The following MAN1C1 variants were observed in gnomAD, a reference collection of about 807,000 sequenced individuals.
MAN1C1 encodes mannosidase alpha class 1C member 1.
A neutral mutation model predicts 71.5 loss-of-function variants in MAN1C1; 49 were observed. That is an observed-to-expected ratio of 0.69 (90% CI 0.54 to 0.87). MAN1C1 has a LOEUF of 0.87. Ranked by LOEUF, MAN1C1 falls within the 40% of genes least tolerant of loss-of-function variation. The pLI is 0.00. For synonymous variants in MAN1C1, 352 were observed against 343.7 expected (o/e 1.02, Z -0.27); for missense variants, 743 against 835.0 (o/e 0.89, Z 1.36).
At chr1:25,738,975 A>G (rs1445126391) in intron 2 of MAN1C1, among the ~76,000 whole-genome samples, 2 of 152,128 alleles carry the variant, frequency 1.3e-5, no homozygotes, top group Non-Finnish European at 2.9e-5. Context: ...CAGCCTGGAC[A>G]ACATAGTGAG....
rs901528824 is a variant in MAN1C1 at position 25,711,926 on chromosome 1, T to C, written c.637+25390T>C. Among the ~76,000 whole-genome samples, 84 of 152,082 alleles carry C rather than the reference T, an allele frequency of 5.5e-4. No homozygotes were observed. The highest frequency in any genetic ancestry group is 2.0e-3 in the African/African-American group (81 of 41,498). On this transcript the variant is annotated intron_variant, in intron 2 of 11. Coordinates refer to ENST00000374332, the MANE Select transcript of MAN1C1 (RefSeq NM_020379.4). This position sits in a 1 kb window ranked among gnomAD's most constrained non-coding sequence, Gnocchi z 4.3. ...TGTAAACAGCTTTCAGGAATGTTTG[T>C]TTAAATGGACTCACAGTGAGTGTGT... is the stretch of plus-strand genomic sequence containing the variant.
At chr1:25,714,713 T>A (rs996599569) in intron 2 of MAN1C1, among the ~76,000 whole-genome samples, 1 of 152,182 alleles carries the variant, frequency 6.6e-6, no homozygotes, top group Admixed American at 6.5e-5. Context: ...GTGAGATTGG[T>A]TTACAATGTC....
rs1329095740 is a variant in MAN1C1, at chr1:25,711,130, A to G, written c.637+24594A>G. ...TTCCATGTGGACCTGGACTTCTCTC[A>G]TGGCAGAGATAGGGTCCAAAAGAAC... On this transcript the variant is annotated intron_variant, in intron 2 of 11. Coordinates refer to ENST00000374332, the MANE Select transcript of MAN1C1 (RefSeq NM_020379.4). The surrounding 1 kb of genome is among the most constrained non-coding windows in gnomAD (Gnocchi z 4.3). 6.6e-6 allele frequency among the ~76,000 whole-genome samples: 1 copy of G among 152,176 alleles called. No individual in the cohort carries two copies. Among genetic ancestry groups the G allele is most frequent in the African/African-American group, 2.4e-5 (1 of 41,442 alleles).
chr1:25,702,785 A>G (rs906459876), intron 2 of MAN1C1, among the ~76,000 whole-genome samples: 2 of 152,250 alleles, frequency 1.3e-5, no homozygotes, highest in African/African-American at 4.8e-5. Flanking sequence ...AGTGGCTGTC[A>G]TCATGATTAC....
At chr1:25,673,115 G>A (rs1258196249) in intron 1 of MAN1C1, among the ~76,000 whole-genome samples, 1 of 152,132 alleles carries the variant, frequency 6.6e-6, no homozygotes, top group East Asian at 1.9e-4. Flanking sequence ...AGATTTGGGT[G>A]GGGAGGAAAG....
chr1:25,653,924 A>T (rs1052313283), intron 1 of MAN1C1, among the ~76,000 whole-genome samples: 1 of 152,104 alleles, frequency 6.6e-6, no homozygotes, highest in Admixed American at 6.6e-5. Context: ...CACACTGGGG[A>T]TGCTATGGGC....
At chr1:25,628,499 G>T (rs1158851803) in intron 1 of MAN1C1, among the ~76,000 whole-genome samples, 3 of 152,060 alleles carry the variant, frequency 2.0e-5, no homozygotes, top group Admixed American at 6.6e-5. Flanking sequence ...ATAGAGACGG[G>T]ATTTCACCAT....
At chr1:25,637,393 C>A (rs1363155458) in intron 1 of MAN1C1, among the ~76,000 whole-genome samples, 1 of 151,910 alleles carries the variant, frequency 6.6e-6, no homozygotes, top group Non-Finnish European at 1.5e-5. Context: ...TTATTGATTT[C>A]TAATTTAAGT....
intron 2 of MAN1C1, among the ~76,000 whole-genome samples, chr1:25,727,390 G>A (rs1338127939): frequency 2.6e-5 from 4 of 152,188 alleles, no homozygotes; most frequent in Admixed American, 6.5e-5. Flanking sequence ...AGTGAGAGGC[G>A]GTGAGCGACT....
intron 2 of MAN1C1, among the ~76,000 whole-genome samples, chr1:25,717,615 G>C (rs1187099506): frequency 7.5e-6 from 1 of 133,076 alleles, no homozygotes; most frequent in East Asian, 2.1e-4. Flanking sequence ...CTCTCTTGTT[G>C]CCCAGGCTGG....
intron 7 of MAN1C1, among the ~76,000 whole-genome samples, chr1:25,771,015 G>T (rs1222430198): frequency 1.3e-5 from 2 of 152,204 alleles, no homozygotes. Flanking sequence ...TGGGTGGAGA[G>T]ACCTCTGGTT....
chr1:25,782,754 G>T lies in MAN1C1; in HGVS notation c.1766+54G>T, dbSNP rs1452261489. On this transcript the variant is annotated intron_variant, in intron 11 of 11. Transcript: ENST00000374332. The surrounding 1 kb of genome is among the most constrained non-coding windows in gnomAD (Gnocchi z 4.4). ...GGACAGGTGGGAGGTTGAGGGTAGG[G>T]GTCCGCAGTCCCTCCCCTCCACAGT... 5.3e-6 allele frequency: 7 copies of T among 1,308,600 alleles called. No homozygotes were observed. The African/African-American group carries it at 8.7e-5, about 16-fold the overall frequency. 81.1% of individuals were successfully genotyped at this position (1,308,600 alleles called of 1,614,324 possible). A position where few individuals can be genotyped will look rare whatever the true frequency, so the allele number is the denominator to read the frequency against.
At chr1:25,681,849 T>C (rs922506798) in intron 1 of MAN1C1, among the ~76,000 whole-genome samples, 1 of 152,134 alleles carries the variant, frequency 6.6e-6, no homozygotes, top group Admixed American at 6.5e-5. Flanking sequence ...CTAATAGGTT[T>C]TTAAGTTAGT....
chr1:25,635,434 C>G (rs1037307599), intron 1 of MAN1C1, among the ~76,000 whole-genome samples: 1 of 144,392 alleles, frequency 6.9e-6, no homozygotes, highest in African/African-American at 2.6e-5. Flanking sequence ...TTTTTTCTTT[C>G]TTTCTTTTTT....
rs1236816908 is a variant in MAN1C1, at chr1:25,735,492, A to G, written c.638-11176A>G. Among the ~76,000 whole-genome samples the G allele has an allele frequency of 1.3e-5, 2 of 152,104 alleles. No individual in the cohort carries two copies. The highest frequency in any genetic ancestry group is 2.4e-5 in the African/African-American group (1 of 41,390). On this transcript the variant is annotated intron_variant, in intron 2 of 11. Coordinates refer to ENST00000374332, the MANE Select transcript of MAN1C1 (RefSeq NM_020379.4). This position sits in a 1 kb window ranked among gnomAD's most constrained non-coding sequence, Gnocchi z 4.6. The stretch of plus-strand genomic sequence containing the variant: ...TATATGTGTATGTATATATGTGTGT[A>G]TATGTGTGTATGTATGTGTGTGTAT...
chr1:25,654,420 C>T (rs1200778040), intron 1 of MAN1C1: 2 of 152,224 alleles, frequency 1.3e-5, no homozygotes, highest in Non-Finnish European at 2.9e-5. Context: ...GAGTGAGATC[C>T]AGGCCCCTAG....
chr1:25,700,903 C>T (rs1365391163), intron 2 of MAN1C1, among the ~76,000 whole-genome samples: 1 of 152,226 alleles, frequency 6.6e-6, no homozygotes, highest in Non-Finnish European at 1.5e-5. Context: ...AAGGAAGAGG[C>T]CTCTTGGGGC....
Position 25,617,693 on chromosome 1 carries a change from A to C in MAN1C1, c.-105A>C. On this transcript the variant is annotated 5_prime_UTR_variant, in exon 1 of 12. Coordinates refer to ENST00000374332, the MANE Select transcript of MAN1C1 (RefSeq NM_020379.4). The surrounding 1 kb of genome is among the most constrained non-coding windows in gnomAD (Gnocchi z 5.1). ...ACTCTCAGGGTTGGCAACCCTGCCC[A>C]GGGACCCCCATCCCGGGCGGCGCTC... 9.1e-7 allele frequency: 1 copy of C among 1,092,956 alleles called. No homozygotes were observed. Among genetic ancestry groups the C allele is most frequent in the Non-Finnish European group, 1.3e-6 (1 of 787,626 alleles). 67.7% of individuals were successfully genotyped at this position (1,092,956 alleles called of 1,614,324 possible). A position where few individuals can be genotyped will look rare whatever the true frequency, so the allele number is the denominator to read the frequency against.
At chr1:25,685,254 A>G (rs1310381707) in intron 1 of MAN1C1, among the ~76,000 whole-genome samples, 2 of 152,240 alleles carry the variant, frequency 1.3e-5, no homozygotes, top group Non-Finnish European at 2.9e-5. Context: ...ATTTCACGCC[A>G]AAGTCACAGA....
Sources: gnomAD v4.1 joint callset for allele counts (sites outside exome capture counted in the v4.1 genomes callset) on GRCh38, gnomAD v4.1.1 for gene constraint, Gnocchi (gnomAD v3.1) non-coding constraint, MANE v1.5 for transcripts, NCBI Gene and HGNC (gene_info 2026-07-23, HGNC 2026-07-21) for gene names.